HK2: variants seen among roughly 807,000 people sequenced by gnomAD.
The protein encoded by HK2 is hexokinase-2.
Under a neutral mutation model 92.9 loss-of-function variants are expected in HK2, and 42 were observed. The observed-to-expected ratio is 0.45, with a 90% CI of 0.35 to 0.58. The LOEUF is 0.58. HK2 is among the 20% of genes least tolerant of loss of function. HK2 has a pLI of 0.00. For synonymous variants in HK2, 422 were observed against 468.0 expected (o/e 0.90, Z 1.27); for missense variants, 978 against 1,245.1 (o/e 0.79, Z 3.23).
chr2:74,886,226 A>G, intron 13 of HK2, 68 bp from the exon 14 acceptor site: 2 of 1,090,024 alleles, frequency 1.8e-6, no homozygotes, highest in Non-Finnish European at 2.8e-6. Flanking sequence ...TAAATCTCCC[A>G]TGCAATTGTC....
rs1194891523 is a variant in HK2, at chr2:74,893,189, A to G, written c.*2248A>G. 1.3e-5 allele frequency: 2 copies of G among 152,200 alleles called. No individual in the cohort carries two copies. The highest frequency in any genetic ancestry group is 2.9e-5 in the Non-Finnish European group (2 of 68,042). The allele number at this position is 152,200 out of a possible 1,614,324, so 9.4% of individuals were successfully genotyped here. On this transcript the variant is annotated 3_prime_UTR_variant, in exon 18 of 18. Transcript: ENST00000290573. ...TTGCTGACATGGCTTTGCTTTGTGT[A>G]AATACAGTGGATCTCAATCTTCGGG...
chr2:74,839,690 G>A (rs1688256900), intron 1 of HK2, among the ~76,000 whole-genome samples: 1 of 147,512 alleles, frequency 6.8e-6, no homozygotes, highest in African/African-American at 2.5e-5. Context: ...ACAGAGTTTC[G>A]CTCTGTCACC....
intron 2 of HK2, among the ~76,000 whole-genome samples, chr2:74,861,494 T>G (rs1688825446): frequency 6.6e-6 from 1 of 151,656 alleles, no homozygotes; most frequent in African/African-American, 2.4e-5. Context: ...GCCATTTACA[T>G]AAATCTGTTT....
At chr2:74,875,327 G>GTTTTTTTTTT (rs61418530) in intron 7 of HK2, among the ~76,000 whole-genome samples, 1 of 112,066 alleles carries the variant, frequency 8.9e-6, no homozygotes, top group Non-Finnish European at 1.7e-5. Flanking sequence ...CCTTGCTTTC[G>GTTTTTTTTTT]TTTTTTTTTT....
chr2:74,890,670 A>C, intron 17 of HK2, 127 bp from the exon 18 acceptor site: 3 of 1,059,242 alleles, frequency 2.8e-6, no homozygotes, highest in Non-Finnish European at 4.4e-6. Context: ...TATAGCTGTC[A>C]TCCTTCTCCT....
At chr2:74,857,014 G>A (rs1688711263) in intron 2 of HK2, among the ~76,000 whole-genome samples, 1 of 152,192 alleles carries the variant, frequency 6.6e-6, no homozygotes, top group South Asian at 2.1e-4. Flanking sequence ...CTTTCCTGAA[G>A]CTGGAGGCTC....
rs141474061 is a variant in HK2 at position 74,887,988 on chromosome 2, C to A, written c.2305C>A (p.Arg769=). 78 of 1,614,096 alleles carry A rather than the reference C, an allele frequency of 4.8e-5. No individual in the cohort carries two copies. Among genetic ancestry groups the A allele is most frequent in the Non-Finnish European group, 5.8e-5 (68 of 1,179,960 alleles). ...TTTCACCAAGCGTGGACTACTCTTC[C>A]GAGGCCGCATCTCAGAGCGGCTCAA... ...IDFTKRGLLF[R]GRISERLKTR... Residue 769 remains arginine (R), a synonymous_variant, in exon 16 of 18, where the codon CGA becomes AGA. Transcript: ENST00000290573.
intron 17 of HK2, among the ~76,000 whole-genome samples, chr2:74,890,372 T>C (rs1689647092): frequency 6.6e-6 from 1 of 152,246 alleles, no homozygotes; most frequent in African/African-American, 2.4e-5. Flanking sequence ...GATATGAGGC[T>C]ATGCGCCAGG....
Position 74,878,919 on chromosome 2 carries a change from C to T in HK2, c.1263C>T (p.Pro421=), listed in dbSNP as rs1435300605. 1 of 1,550,508 alleles carries T rather than the reference C, an allele frequency of 6.4e-7. No individual in the cohort carries two copies. The part of the protein sequence containing the change: ...GVDGSVYKKH[P]HFAKRLHKTV... The stretch of plus-strand genomic sequence containing the variant: ...ACGGTTCCGTCTACAAGAAACACCC[C>T]CAGTGAGTCAGTGTGCAGGGCCTGG... Residue 421 remains proline (P), a splice_region_variant and synonymous_variant, in exon 9 of 18, where the codon CCC becomes CCT. Coordinates refer to ENST00000290573, the MANE Select transcript of HK2 (RefSeq NM_000189.5).
intron 9 of HK2, 91 bp downstream of exon 9, chr2:74,879,012 G>T: frequency 8.9e-7 from 1 of 1,128,100 alleles, no homozygotes; most frequent in Non-Finnish European, 1.3e-6. Flanking sequence ...TGCATTTCAG[G>T]GGTGGTGTGG....
rs1465878795 is a variant in HK2 at position 74,878,712 on chromosome 2, C to T, written c.1056C>T (p.Ala352=). 1.9e-6 allele frequency: 3 copies of T among 1,606,768 alleles called. No homozygotes were observed. Among genetic ancestry groups the T allele is most frequent in the South Asian group, 1.1e-5 (1 of 89,300 alleles). Residue 352 remains alanine, a synonymous_variant, in exon 9 of 18, where the codon GCC becomes GCT. Transcript: ENST00000290573. ...GGGAGAAGGATGGCATCCGGAAGGC[C>T]CGTGAGGTCCTGATGCGGTTGGGCC... The part of the protein sequence containing the change: ...IEGEKDGIRK[A]REVLMRLGLD...
In HK2 at chr2:74,853,065, C is replaced by T. The variant is rs370136282; in HGVS notation, c.64-1228C>T. 1.2e-4 allele frequency among the ~76,000 whole-genome samples: 19 copies of T among 152,264 alleles called. No homozygotes were observed. The South Asian group carries it at 1.5e-3, about 12-fold the overall frequency. ...TGATCTGGAGGATGAGAAGAGGCCT[C>T]TACAGAGAGAGGCCTGAAGGAGTGG... On this transcript the variant is annotated intron_variant, in intron 1 of 17. Coordinates refer to ENST00000290573, the MANE Select transcript of HK2 (RefSeq NM_000189.5).
intron 1 of HK2, among the ~76,000 whole-genome samples, chr2:74,851,083 G>A (rs1688555907): frequency 6.6e-6 from 1 of 152,210 alleles, no homozygotes; most frequent in African/African-American, 2.4e-5. Flanking sequence ...GGTCATCCAA[G>A]AAACCACAGG....
chr2:74,880,577 G>A lies in HK2; in HGVS notation c.1570+8G>A, dbSNP rs1291983045. 1.9e-6 allele frequency: 3 copies of A among 1,612,152 alleles called. No homozygotes were observed. Among genetic ancestry groups the A allele is most frequent in the Middle Eastern group, 1.7e-4 (1 of 6,056 alleles). ...CTACCCCGGACGGCACAGGTACACG[G>A]CAGGGTTGCCACCTGGCTCACATGG... On this transcript the variant is annotated splice_region_variant and intron_variant, in intron 10 of 17. Transcript: ENST00000290573.
chr2:74,880,384 G>A lies in HK2; in HGVS notation c.1385G>A (p.Arg462Gln), dbSNP rs1573386945. 6 of 1,614,004 alleles carry A rather than the reference G, an allele frequency of 3.7e-6. No homozygotes were observed. Among genetic ancestry groups the A allele is most frequent in the South Asian group, 1.1e-5 (1 of 91,090 alleles). ...GAAMVTAVAY[R>Q]LADQHRARQK... ...GCCATGGTGACAGCAGTGGCTTACC[G>A]GCTGGCCGATCAACACCGTGCCCGC... Residue 462 changes from arginine to glutamine, a missense_variant, in exon 10 of 18, where the codon CGG becomes CAG. This residue lies in a region of HK2 where 742 missense variants were observed against 922.5 expected (regional missense o/e 0.80). Coordinates refer to ENST00000290573, the MANE Select transcript of HK2 (RefSeq NM_000189.5).
At chr2:74,843,198 G>A (rs1395129136) in intron 1 of HK2, among the ~76,000 whole-genome samples, 3 of 152,120 alleles carry the variant, frequency 2.0e-5, no homozygotes, top group Admixed American at 1.3e-4. Flanking sequence ...GGCAGATTGG[G>A]TGAGGTTCCC....
At chr2:74,839,036 C>T (rs1013119927) in intron 1 of HK2, among the ~76,000 whole-genome samples, 2 of 152,098 alleles carry the variant, frequency 1.3e-5, no homozygotes, top group African/African-American at 2.4e-5. Context: ...ATGTAGATTC[C>T]TTGTTGTATG....
At position 74,889,385 on chromosome 2, in the gene HK2, C is replaced by T; in HGVS notation, c.2516C>T (p.Ala839Val). 16 of 1,614,170 alleles carry T rather than the reference C, an allele frequency of 9.9e-6. No individual in the cohort carries two copies. The highest frequency in any genetic ancestry group is 4.4e-5 in the South Asian group (4 of 91,078). ...GCCCAGCTCTGTGGCGCAGGCATGGCCGCTGTGGTGGACAGGATACGAGAA... is the reference window on the plus strand; with the variant it reads ...GCCCAGCTCTGTGGCGCAGGCATGGTCGCTGTGGTGGACAGGATACGAGAA... Reference protein sequence around the residue: ...RAAQLCGAGMAAVVDRIRENR... With the variant: ...RAAQLCGAGMVAVVDRIRENR... Residue 839 changes from alanine to valine, a missense_variant, in exon 17 of 18, where the codon GCC becomes GTC. Physicochemically the swap from Ala to Val is moderately conservative, Grantham distance 64. Coordinates refer to ENST00000290573, the MANE Select transcript of HK2 (RefSeq NM_000189.5).
chr2:74,889,177 C>T (rs986634693), intron 16 of HK2, 68 bp from the exon 17 acceptor site: 5 of 1,313,108 alleles, frequency 3.8e-6, no homozygotes, highest in Middle Eastern at 1.8e-4. Flanking sequence ...GGACTCAGGC[C>T]CTGGTGTGGT....
Sources: gnomAD v4.1 joint callset for allele counts (sites outside exome capture counted in the v4.1 genomes callset) on GRCh38, gnomAD v4.1.1 for gene constraint, gnomAD v4.1.1 regional missense constraint, MANE v1.5 for transcripts, NCBI Gene and HGNC (gene_info 2026-07-23, HGNC 2026-07-21) for gene names.